PTPRD: variants seen among roughly 807,000 people sequenced by gnomAD.
PTPRD encodes the protein receptor-type tyrosine-protein phosphatase delta.
Under a neutral mutation model 214.5 loss-of-function variants are expected in PTPRD, and 34 were observed. The observed-to-expected ratio is 0.16, with a 90% confidence interval of 0.12 to 0.21. The LOEUF is 0.21. PTPRD is among the 10% of genes least tolerant of loss of function. The pLI is 1.00. For missense variants in PTPRD, 2,545 were observed against 2,398.7 expected, an observed-to-expected ratio of 1.06 and a Z score of -1.27; for synonymous variants, 1,128 against 845.7, an observed-to-expected ratio of 1.33 and a Z score of -5.79.
chr9:8,798,850 G>C (rs930194102), intron 11 of PTPRD, among the ~76,000 whole-genome samples: 1 of 152,132 alleles, frequency 6.6e-6, no homozygotes, highest in African/African-American at 2.4e-5. Context: ...TGAACTATAA[G>C]TCAGAGTATC....
chr9:9,436,784 A>G (rs565039913), intron 8 of PTPRD, among the ~76,000 whole-genome samples: 2 of 152,086 alleles, frequency 1.3e-5, no homozygotes, highest in African/African-American at 4.8e-5. Flanking sequence ...ATACATTTTC[A>G]GTCAAGCAAA....
intron 30 of PTPRD, 93 bp downstream of exon 30, chr9:8,484,026 G>C (rs564056813): frequency 1.4e-6 from 2 of 1,466,898 alleles, no homozygotes; most frequent in East Asian, 2.3e-5. Context: ...ACATTAAGCA[G>C]TATCTTCTTT....
chr9:9,553,220 C>T (rs2080748513), intron 8 of PTPRD, among the ~76,000 whole-genome samples: 1 of 151,922 alleles, frequency 6.6e-6, no homozygotes, highest in South Asian at 2.1e-4. Flanking sequence ...AAAATTTCAT[C>T]CCTATAAATA....
At chr9:8,971,344 C>A (rs927909777) in intron 11 of PTPRD, among the ~76,000 whole-genome samples, 4 of 151,534 alleles carry the variant, frequency 2.6e-5, no homozygotes, top group East Asian at 1.9e-4. Context: ...TTAAAAAAAA[C>A]CCCAAAACCT....
chr9:10,466,390 G>A (rs1250921100), intron 2 of PTPRD, among the ~76,000 whole-genome samples: 1 of 152,090 alleles, frequency 6.6e-6, no homozygotes, highest in African/African-American at 2.4e-5. Flanking sequence ...TTGGGAGGCT[G>A]AGGCGGGAGG....
intron 9 of PTPRD, among the ~76,000 whole-genome samples, chr9:9,353,523 T>C (rs1198468769): frequency 6.6e-6 from 1 of 151,828 alleles, no homozygotes; most frequent in Non-Finnish European, 1.5e-5. Context: ...TCTTGAGTGA[T>C]CTGGAAAAAT....
In PTPRD at chr9:8,494,648, C is replaced by G. The variant is rs79774255; in HGVS notation, c.2350-1669G>C. ...AAATTTTGTAGCAAGAAATTATGCA[C>G]TCTGAGACTTATATGTTTCTTATCA... On this transcript the variant is annotated intron_variant, in intron 26 of 45. Transcript: ENST00000381196. Among the ~76,000 whole-genome samples the G allele has an allele frequency of 3.0e-4, 46 of 152,304 alleles. No homozygotes were observed. In the East Asian group the frequency reaches 8.9e-3, roughly 29 times the overall value.
intron 8 of PTPRD, among the ~76,000 whole-genome samples, chr9:9,530,413 A>G (rs1385262114): frequency 6.6e-6 from 1 of 152,216 alleles, no homozygotes; most frequent in Non-Finnish European, 1.5e-5. Flanking sequence ...TCCTGGACAC[A>G]TACAACCTAC....
intron 3 of PTPRD, among the ~76,000 whole-genome samples, chr9:10,119,341 T>C (rs895225714): frequency 3.9e-5 from 6 of 152,006 alleles, no homozygotes; most frequent in Non-Finnish European, 5.9e-5. Flanking sequence ...CTTAACCATC[T>C]CCATAGTGTT....
intron 11 of PTPRD, among the ~76,000 whole-genome samples, chr9:8,767,558 T>C (rs1399818681): frequency 6.6e-6 from 1 of 152,196 alleles, no homozygotes; most frequent in East Asian, 1.9e-4. Flanking sequence ...TGACTATCAG[T>C]GAGGGTGCAC....
intron 10 of PTPRD, among the ~76,000 whole-genome samples, chr9:9,174,213 A>G (rs566063886): frequency 6.6e-6 from 1 of 152,268 alleles, no homozygotes; most frequent in African/African-American, 2.4e-5. Flanking sequence ...GTCTCCATGT[A>G]ACAGATCATG....
intron 8 of PTPRD, among the ~76,000 whole-genome samples, chr9:9,455,874 A>C (rs1357493989): frequency 2.6e-5 from 4 of 151,826 alleles, no homozygotes; most frequent in African/African-American, 9.7e-5. Context: ...AAGAGGGACC[A>C]CATGAAGGCA....
chr9:9,590,255 G>A (rs1475202697), intron 7 of PTPRD, among the ~76,000 whole-genome samples: 5 of 151,398 alleles, frequency 3.3e-5, no homozygotes, highest in African/African-American at 1.2e-4. Flanking sequence ...ATTTTTTTCT[G>A]TATTATGACA....
chr9:9,082,057 T>C (rs2099759997), intron 10 of PTPRD, among the ~76,000 whole-genome samples: 1 of 151,792 alleles, frequency 6.6e-6, no homozygotes, highest in African/African-American at 2.4e-5. Context: ...TACCAATCCT[T>C]CTGAAACTAT....
At chr9:8,682,844 T>C (rs1336723940) in intron 12 of PTPRD, among the ~76,000 whole-genome samples, 1 of 152,258 alleles carries the variant, frequency 6.6e-6, no homozygotes, top group African/African-American at 2.4e-5. Context: ...TGTAGGCCTA[T>C]CATAGGTTTT....
chr9:9,833,969 A>C (rs2055902675), intron 5 of PTPRD, among the ~76,000 whole-genome samples: 2 of 152,140 alleles, frequency 1.3e-5, no homozygotes, highest in Non-Finnish European at 2.9e-5. Flanking sequence ...AGGGTCCTGG[A>C]ACGATATACA....
intron 8 of PTPRD, among the ~76,000 whole-genome samples, chr9:9,406,511 C>T (rs1219665800): frequency 6.6e-6 from 1 of 151,908 alleles, no homozygotes; most frequent in Non-Finnish European, 1.5e-5. Context: ...CAAGACATCT[C>T]ACATTTACGA....
chr9:10,397,010 C>A (rs1004042340), intron 2 of PTPRD, among the ~76,000 whole-genome samples: 21 of 151,972 alleles, frequency 1.4e-4, no homozygotes, highest in Non-Finnish European at 1.5e-4. Context: ...AAACTACAGG[C>A]AGGTGTGGGG....
intron 2 of PTPRD, among the ~76,000 whole-genome samples, chr9:10,535,933 T>C (rs1457399907): frequency 6.6e-6 from 1 of 152,166 alleles, no homozygotes; most frequent in African/African-American, 2.4e-5. Context: ...CTTGTCTTAA[T>C]ACTCGACAAA....
Sources: gnomAD v4.1 joint callset for allele counts (sites outside exome capture counted in the v4.1 genomes callset) on GRCh38, gnomAD v4.1.1 for gene constraint, MANE v1.5 for transcripts, NCBI Gene and HGNC (gene_info 2026-07-23, HGNC 2026-07-21) for gene names.